DMD: variants seen among roughly 807,000 people sequenced by gnomAD.
The protein encoded by DMD is mutant dystrophin.
DMD carries 63 observed loss-of-function variants against 330.1 expected under a neutral mutation model. That is an observed-to-expected ratio of 0.19 (90% CI 0.16 to 0.24). The LOEUF (loss-of-function observed/expected upper bound fraction) is 0.24. Ranked by LOEUF, DMD falls within the 10% of genes least tolerant of loss-of-function variation. The probability of loss-of-function intolerance (pLI) is 1.00; values close to 1 mark genes in which losing one functional copy is unlikely to be tolerated. For missense variants in DMD, 3,344 were observed against 2,684.1 expected (o/e 1.25, Z -5.43); for synonymous variants, 1,223 against 959.8 (o/e 1.27, Z -5.07).
chrX:33,139,693 T>C (rs1464616044), intron 1 of DMD, among the ~76,000 whole-genome samples: 1 of 109,410 alleles, frequency 9.1e-6, no homozygotes, highest in African/African-American at 3.3e-5. Flanking sequence ...TCCCCCTTCA[T>C]TTCCACCATG....
chrX:32,463,510 G>A lies in DMD; in HGVS notation c.3361C>T (p.Pro1121Ser), dbSNP rs150653420. The change falls in exon 25 of 79, where the codon CCA (proline) becomes TCA (serine). Residue 1121 changes from proline to serine, a missense_variant. Physicochemically the swap from Pro to Ser is moderately conservative, Grantham distance 74. Coordinates refer to ENST00000357033, the MANE Select transcript of DMD (RefSeq NM_004006.3). ...GGQKIKNEAE[P>S]EFASRLETEL... ...GTCTCAAGTCTCGAAGCAAACTCTG[G>A]CTCTGCTTCATTCTTTATCTTCTGC... The A allele has an allele frequency of 4.2e-6, 5 of 1,202,230 alleles. No individual in the cohort carries two copies. The highest frequency in any genetic ancestry group is 4.5e-6 in the Non-Finnish European group (4 of 890,579).
chrX:32,100,374 G>GAT (rs71843068), intron 44 of DMD, among the ~76,000 whole-genome samples: 6,841 of 101,049 alleles, frequency 0.068, 480 homozygotes, highest in African/African-American at 0.2. Context: ...TATTTTCCCA[G>GAT]ATATATATAT....
intron 1 of DMD, among the ~76,000 whole-genome samples, chrX:33,277,365 G>A (rs1199028486): frequency 1.8e-5 from 2 of 111,585 alleles, no homozygotes; most frequent in African/African-American, 3.3e-5. Context: ...GCACACCATC[G>A]TGAATGTACG....
chrX:31,449,816 A>ATAGAT (rs1556643940), intron 59 of DMD, among the ~76,000 whole-genome samples: 1 of 93,913 alleles, frequency 1.1e-5, no homozygotes, highest in African/African-American at 4.1e-5. Context: ...AGATAGATAG[A>ATAGAT]AATCTGGCTA....
chrX:32,608,178 G>T (rs2056885982), intron 12 of DMD, among the ~76,000 whole-genome samples: 1 of 109,696 alleles, frequency 9.1e-6, no homozygotes, highest in African/African-American at 3.3e-5. Flanking sequence ...TGTAAAATAA[G>T]AATATGGGCA....
intron 29 of DMD, among the ~76,000 whole-genome samples, chrX:32,422,629 T>A (rs1047106617): frequency 9.0e-6 from 1 of 111,683 alleles, no homozygotes; most frequent in Admixed American, 9.5e-5. Flanking sequence ...ATACTTTCAA[T>A]GAAAAATTAC....
intron 43 of DMD, among the ~76,000 whole-genome samples, chrX:32,253,356 T>G (rs1476429732): frequency 9.0e-6 from 1 of 110,811 alleles, no homozygotes; most frequent in African/African-American, 3.3e-5. Flanking sequence ...AGTTCCACAA[T>G]TACTCGGTGC....
chrX:32,370,955 C>G (rs2097874291), intron 34 of DMD, among the ~76,000 whole-genome samples: 1 of 111,011 alleles, frequency 9.0e-6, no homozygotes, highest in South Asian at 3.8e-4. Context: ...TCTAGTGATT[C>G]TCAACTTTGC....
intron 52 of DMD, among the ~76,000 whole-genome samples, chrX:31,709,912 C>T (rs2084504506): frequency 9.0e-6 from 1 of 110,810 alleles, no homozygotes; most frequent in African/African-American, 3.3e-5. Flanking sequence ...CCTAACATTC[C>T]AGAAATTTCA....
At chrX:31,305,059 T>C (rs1453697625) in intron 62 of DMD, among the ~76,000 whole-genome samples, 6 of 111,999 alleles carry the variant, frequency 5.4e-5, no homozygotes, top group African/African-American at 1.9e-4. Context: ...GGGCAGGTAT[T>C]ATTGGAGCAC....
intron 16 of DMD, among the ~76,000 whole-genome samples, chrX:32,565,375 TGGTTCTAGCAATCTCTGATTTGG>T (rs1436833082): frequency 8.9e-6 from 1 of 111,844 alleles, no homozygotes; most frequent in Non-Finnish European, 1.9e-5. Context: ...ATGTTCCTCG[TGGTTCTAGCAATCTCTGATTTGG>T]GGTTAGACTG....
At chrX:31,476,395 G>GTA (rs751286291) in intron 59 of DMD, among the ~76,000 whole-genome samples, 38 of 89,776 alleles carry the variant, frequency 4.2e-4, no homozygotes, top group Admixed American at 6.1e-4. Context: ...ATGTGTGTGT[G>GTA]TGTATATATA....
chrX:32,137,853 C>G, intron 44 of DMD, among the ~76,000 whole-genome samples: 1 of 109,671 alleles, frequency 9.1e-6, no homozygotes, highest in Non-Finnish European at 1.9e-5. Context: ...ACCTGCCAAC[C>G]CTGCTATGTC....
rs772009796 is a variant in DMD, at chrX:31,473,496, C to T, written c.8937+4610G>A. ...CAGCACTTTGGGAGGCCAAGGTGGG[C>T]GGATCACGAGATCAAGAGATCAAGA... On this transcript the variant is annotated intron_variant, in intron 59 of 78. Transcript: ENST00000357033. Among the ~76,000 whole-genome samples, 10 of 110,002 alleles carry T rather than the reference C, an allele frequency of 9.1e-5. No homozygotes were observed. The South Asian group carries it at 2.0e-3, about 22-fold the overall frequency.
At chrX:31,879,209 C>T (rs115621937) in intron 47 of DMD, among the ~76,000 whole-genome samples, 16 of 83,804 alleles carry the variant, frequency 1.9e-4, no homozygotes, top group African/African-American at 5.8e-4. Flanking sequence ...TTCTACATGG[C>T]GGGGGGGGGC....
chrX:31,812,997 A>G (rs747901083), intron 50 of DMD, among the ~76,000 whole-genome samples: 141 of 112,252 alleles, frequency 1.3e-3, no homozygotes, highest in African/African-American at 4.5e-3. Context: ...CCATGGTAGA[A>G]GAGAAGATAG....
chrX:31,902,486 G>A, intron 47 of DMD, among the ~76,000 whole-genome samples: 1 of 111,682 alleles, frequency 9.0e-6, no homozygotes, highest in East Asian at 2.8e-4. Context: ...GAAATACTGT[G>A]CAACATATAG....
At chrX:32,525,251 A>G (rs1303040953) in intron 17 of DMD, among the ~76,000 whole-genome samples, 1 of 111,983 alleles carries the variant, frequency 8.9e-6, no homozygotes, top group Non-Finnish European at 1.9e-5. Context: ...CATAATGTGC[A>G]GTCAGCCTAC....
intron 59 of DMD, among the ~76,000 whole-genome samples, chrX:31,453,844 G>C (rs1274575784): frequency 1.1e-5 from 1 of 88,362 alleles, no homozygotes; most frequent in African/African-American, 4.4e-5. Flanking sequence ...TAAAAAGATA[G>C]TTCATGAGTG....
Sources: gnomAD v4.1 joint callset for allele counts (sites outside exome capture counted in the v4.1 genomes callset) on GRCh38, gnomAD v4.1.1 for gene constraint, MANE v1.5 for transcripts, NCBI Gene and HGNC (gene_info 2026-07-23, HGNC 2026-07-21) for gene names.